KIAA1958: variants seen among roughly 807,000 people sequenced by gnomAD.
KIAA1958 encodes uncharacterized protein KIAA1958.
A neutral mutation model predicts 47.2 loss-of-function variants in KIAA1958; 14 were observed. The observed-to-expected ratio is 0.30, with a 90% CI of 0.20 to 0.46. The LOEUF (loss-of-function observed/expected upper bound fraction) is 0.46, where lower values mean the gene tolerates loss of function less well. Ranked by LOEUF, KIAA1958 falls within the 20% of genes least tolerant of loss-of-function variation. The probability of loss-of-function intolerance (pLI) is 1.00; values close to 1 mark genes in which losing one functional copy is unlikely to be tolerated. For missense variants in KIAA1958, 803 were observed against 909.2 expected, an observed-to-expected ratio of 0.88 and a Z score of 1.50; for synonymous variants, 354 against 353.3, an observed-to-expected ratio of 1.00 and a Z score of -0.02.
At chr9:112,540,798 C>T (rs913523916) in intron 1 of KIAA1958, among the ~76,000 whole-genome samples, 3 of 151,878 alleles carry the variant, frequency 2.0e-5, no homozygotes, top group African/African-American at 7.3e-5. Flanking sequence ...TCACTGTAGC[C>T]TCGACTTCCC....
At chr9:112,642,233 T>G (rs1209203249) in intron 2 of KIAA1958, among the ~76,000 whole-genome samples, 2 of 152,204 alleles carry the variant, frequency 1.3e-5, no homozygotes, top group Non-Finnish European at 2.9e-5. Context: ...CAAGCAGCTA[T>G]GATAAGTGGC....
rs1248237407 is a variant in KIAA1958 at position 112,574,618 on chromosome 9, T to C, written c.538T>C (p.Ser180Pro). The stretch of plus-strand genomic sequence containing the variant: ...TCGCAAAAGACCTGGGGTAGTCCCA[T>C]CTTCCCTCCATTCAAGCTCCCAGAC... ...IARKRPGVVP[S>P]SLHSSSQTQM... The change falls in exon 2 of 4, where the codon TCT (serine) becomes CCT (proline). Residue 180 changes from serine (S) to proline (P), a missense_variant. Ser to Pro is a moderately conservative substitution (Grantham distance 74). Around this residue, in one of 2 missense-constraint regions of KIAA1958, gnomAD observed 761 missense variants for 829.3 expected, o/e 0.92. Transcript: ENST00000337530. 1.9e-6 allele frequency: 3 copies of C among 1,614,016 alleles called. No individual in the cohort carries two copies. Among genetic ancestry groups the C allele is most frequent in the Non-Finnish European group, 2.5e-6 (3 of 1,180,018 alleles).
At chr9:112,626,192 T>C (rs1362910504) in intron 2 of KIAA1958, among the ~76,000 whole-genome samples, 2 of 152,216 alleles carry the variant, frequency 1.3e-5, no homozygotes, top group Admixed American at 6.5e-5. Flanking sequence ...TAAGTAGATG[T>C]AGAAATTCAA....
At chr9:112,555,681 G>C (rs964462175) in intron 1 of KIAA1958, among the ~76,000 whole-genome samples, 1 of 152,182 alleles carries the variant, frequency 6.6e-6, no homozygotes, top group Non-Finnish European at 1.5e-5. Context: ...CTGTGCGCTC[G>C]AATAGCAGAA....
chr9:112,574,262 C>T lies in KIAA1958; in HGVS notation c.182C>T (p.Thr61Ile), dbSNP rs749805916. 2.5e-6 allele frequency: 4 copies of T among 1,613,996 alleles called. No individual in the cohort carries two copies. Among genetic ancestry groups the T allele is most frequent in the Non-Finnish European group, 3.4e-6 (4 of 1,179,970 alleles). ...SAGHAYHWPL[T>I]ATCRAGSQER... Reference sequence around the variant, plus strand: ...GGCCATGCTTATCACTGGCCACTAACAGCTACTTGCAGAGCTGGGTCCCAA... The same window carrying T: ...GGCCATGCTTATCACTGGCCACTAATAGCTACTTGCAGAGCTGGGTCCCAA... The change falls in exon 2 of 4, where the codon ACA (threonine) becomes ATA (isoleucine). Residue 61 changes from threonine (T) to isoleucine (I), a missense_variant. Thr to Ile is a moderately conservative substitution (Grantham distance 89, BLOSUM62 -1). Around this residue, in one of 2 missense-constraint regions of KIAA1958, gnomAD observed 42 missense variants for 79.9 expected, o/e 0.53. Transcript: ENST00000337530.
chr9:112,501,310 G>T (rs897757621), intron 1 of KIAA1958, among the ~76,000 whole-genome samples: 1 of 151,972 alleles, frequency 6.6e-6, no homozygotes, highest in Non-Finnish European at 1.5e-5. Context: ...AGGCATGATG[G>T]CTCATGCCTG....
chr9:112,600,878 CTTACTTTCCTATTGTATTTGA>C (rs1836120102), intron 2 of KIAA1958, among the ~76,000 whole-genome samples: 1 of 152,214 alleles, frequency 6.6e-6, no homozygotes, highest in African/African-American at 2.4e-5. Flanking sequence ...AGCTAAGTGG[CTTACTTTCCTATTGTATTTGA>C]TCTTCATACA....
chr9:112,583,566 T>C (rs772512770), intron 2 of KIAA1958, among the ~76,000 whole-genome samples: 19 of 152,226 alleles, frequency 1.2e-4, no homozygotes, highest in Non-Finnish European at 2.1e-4. Flanking sequence ...AAAAATCAGT[T>C]AACCTTAGTG....
intron 1 of KIAA1958, among the ~76,000 whole-genome samples, chr9:112,490,224 C>T (rs1293952434): frequency 6.6e-6 from 1 of 152,122 alleles, no homozygotes; most frequent in East Asian, 1.9e-4. Flanking sequence ...AATAGAGAAG[C>T]TGAAGATTGG....
At chr9:112,640,923 G>C (rs1212737992) in intron 2 of KIAA1958, among the ~76,000 whole-genome samples, 1 of 152,040 alleles carries the variant, frequency 6.6e-6, no homozygotes, top group African/African-American at 2.4e-5. Flanking sequence ...TTGCTAGATA[G>C]ATTGCAGGTG....
At chr9:112,494,846 C>CT (rs1834024988) in intron 1 of KIAA1958, among the ~76,000 whole-genome samples, 1 of 152,126 alleles carries the variant, frequency 6.6e-6, no homozygotes, top group Non-Finnish European at 1.5e-5. Flanking sequence ...CTGTCATGAA[C>CT]TTTGTCATTT....
At position 112,659,614 on chromosome 9, in the gene KIAA1958, T is replaced by C; in HGVS notation, c.1696T>C (p.Tyr566His). The change falls in exon 4 of 4, where the codon TAC becomes CAC. Residue 566 changes from tyrosine to histidine, a missense_variant. Transcript: ENST00000337530. ...CACTGTGGTCAAGTACAACAGCCAG[T>C]ACCTGAACATGCGGACGCTGCAGGA... ...LSTVVKYNSQYLNMRTLQEHA... is the reference protein window; with the variant it reads ...LSTVVKYNSQHLNMRTLQEHA... 1 of 1,614,098 alleles carries C rather than the reference T, an allele frequency of 6.2e-7. No individual in the cohort carries two copies. Among genetic ancestry groups the C allele is most frequent in the Non-Finnish European group, 8.5e-7 (1 of 1,179,990 alleles).
chr9:112,563,083 C>CTATATATATATA (rs763563196), intron 1 of KIAA1958, among the ~76,000 whole-genome samples: 1 of 63,314 alleles, frequency 1.6e-5, no homozygotes, highest in African/African-American at 6.1e-5. Context: ...CTCTCTCTCT[C>CTATATATATATA]TCTATATATA....
chr9:112,495,616 G>A (rs1005168447), intron 1 of KIAA1958, among the ~76,000 whole-genome samples: 1 of 152,188 alleles, frequency 6.6e-6, no homozygotes, highest in Admixed American at 6.5e-5. Flanking sequence ...TTGGAAAGCT[G>A]TATGGCCATA....
intron 1 of KIAA1958, among the ~76,000 whole-genome samples, chr9:112,515,693 C>A (rs1257949565): frequency 1.7e-4 from 12 of 72,668 alleles, no homozygotes; most frequent in African/African-American, 6.0e-4. Context: ...GCAGCATGCT[C>A]GTTAAGAGTC....
chr9:112,495,088 T>TA (rs1485101655), intron 1 of KIAA1958, among the ~76,000 whole-genome samples: 2 of 149,328 alleles, frequency 1.3e-5, no homozygotes, highest in African/African-American at 4.9e-5. Context: ...CCAGCTGAAT[T>TA]TTTTTTTTTT....
At chr9:112,562,442 C>G (rs1452842904) in intron 1 of KIAA1958, among the ~76,000 whole-genome samples, 2 of 152,158 alleles carry the variant, frequency 1.3e-5, no homozygotes, top group African/African-American at 2.4e-5. Flanking sequence ...ACTGTCCCAG[C>G]TCACATGAGT....
chr9:112,661,190 A>G lies in KIAA1958; in HGVS notation c.*1121A>G, dbSNP rs1837271271. 6.6e-6 allele frequency: 1 copy of G among 152,222 alleles called. No homozygotes were observed. Among genetic ancestry groups the G allele is most frequent in the Non-Finnish European group, 1.5e-5 (1 of 68,032 alleles). The allele number at this position is 152,222 out of a possible 1,614,324, so 9.4% of individuals were successfully genotyped here. ...ATACTTGGGACACGATGATTTAGGC[A>G]CCCCACCAGGTAAGCAAACTCAGCA... On this transcript the variant is annotated 3_prime_UTR_variant, in exon 4 of 4. Transcript: ENST00000337530.
At chr9:112,631,191 A>G (rs1836700824) in intron 2 of KIAA1958, among the ~76,000 whole-genome samples, 1 of 152,218 alleles carries the variant, frequency 6.6e-6, no homozygotes, top group Non-Finnish European at 1.5e-5. Flanking sequence ...GCAAACACTG[A>G]ATTTGATGGC....
Sources: allele counts gnomAD v4.1 joint callset (sites outside exome capture counted in the v4.1 genomes callset), GRCh38; gene constraint gnomAD v4.1.1; regional missense constraint gnomAD v4.1.1; transcripts MANE v1.5; gene names NCBI Gene and HGNC (gene_info 2026-07-23, HGNC 2026-07-21).